ZFYVE28: variants seen among roughly 807,000 people sequenced by gnomAD.
ZFYVE28 encodes the protein lateral signaling target protein 2 homolog.
ZFYVE28 carries 40 observed loss-of-function variants against 82.1 expected under a neutral mutation model. That is an observed-to-expected ratio of 0.49 (90% confidence interval 0.38 to 0.63). The LOEUF (loss-of-function observed/expected upper bound fraction) is 0.63. ZFYVE28 is among the 30% of genes least tolerant of loss of function. ZFYVE28 has a pLI of 0.00. For synonymous variants in ZFYVE28, 612 were observed against 546.1 expected, an observed-to-expected ratio of 1.12 and a Z score of -1.68; for missense variants, 1,321 against 1,242.1, an observed-to-expected ratio of 1.06 and a Z score of -0.96.
chr4:2,327,805 CA>C (rs1720105211), intron 6 of ZFYVE28, among the ~76,000 whole-genome samples: 1 of 152,148 alleles, frequency 6.6e-6, no homozygotes, highest in African/African-American at 2.4e-5. Flanking sequence ...AGAAGACATA[CA>C]AATGACCAAC....
chr4:2,278,320 T>C (rs377240036), intron 8 of ZFYVE28, among the ~76,000 whole-genome samples: 35 of 151,246 alleles, frequency 2.3e-4, no homozygotes, highest in Middle Eastern at 3.4e-3. Context: ...CCTGAGTAGC[T>C]GGGACCACAG....
At position 2,320,405 on chromosome 4, in the gene ZFYVE28, C is replaced by T; in HGVS notation, c.702-134G>A. The T allele has an allele frequency of 1.5e-6, 1 of 663,282 alleles. No individual in the cohort carries two copies. The highest frequency in any genetic ancestry group is 2.6e-6 in the Non-Finnish European group (1 of 384,648). The allele number at this position is 663,282 out of a possible 1,614,324, so 41.1% of individuals were successfully genotyped here. Reference sequence around the variant, plus strand: ...CGCCACTGTCCCAGCACGGCCGCCGCCTCATGCTTTGCCTTGTGTGATTGC... The same window carrying T: ...CGCCACTGTCCCAGCACGGCCGCCGTCTCATGCTTTGCCTTGTGTGATTGC... On this transcript the variant is annotated intron_variant, in intron 6 of 12. Coordinates refer to ENST00000290974, the MANE Select transcript of ZFYVE28 (RefSeq NM_020972.3). The surrounding 1 kb of genome is among the most constrained non-coding windows in gnomAD (Gnocchi z 5.1).
At chr4:2,363,122 G>A (rs1277308039) in intron 1 of ZFYVE28, among the ~76,000 whole-genome samples, 1 of 152,032 alleles carries the variant, frequency 6.6e-6, no homozygotes, top group East Asian at 1.9e-4. Context: ...GGCTTGGTGG[G>A]TGGGGGCTGG....
Position 2,304,789 on chromosome 4 carries a change from G to A in ZFYVE28, c.1551C>T (p.Val517=). 2 of 1,612,656 alleles carry A rather than the reference G, an allele frequency of 1.2e-6. No homozygotes were observed. The highest frequency in any genetic ancestry group is 1.7e-6 in the Non-Finnish European group (2 of 1,179,948). The change falls in exon 8 of 13, where the codon GTC becomes GTT. Residue 517 remains valine, a synonymous_variant. Transcript: ENST00000290974. The part of the protein sequence containing the change: ...RTGGMKLSAT[V]IFNPKSPTSL... ...AAGTGGGCGATTTGGGGTTGAAGATGACCGTGGCTGAGAGCTTCATGCCCC... is the reference window on the plus strand; with the variant it reads ...AAGTGGGCGATTTGGGGTTGAAGATAACCGTGGCTGAGAGCTTCATGCCCC...
At chr4:2,406,047 CAAAAAAAAAA>C (rs766149952) in intron 1 of ZFYVE28, among the ~76,000 whole-genome samples, 1 of 90,478 alleles carries the variant, frequency 1.1e-5, no homozygotes, top group Non-Finnish European at 2.1e-5. Context: ...GATTCTGTCT[CAAAAAAAAAA>C]AAAAAAAAGA....
At chr4:2,399,008 GGGCGAGATCTAGGGCACAAGGT>G (rs1730822433) in intron 1 of ZFYVE28, among the ~76,000 whole-genome samples, 1 of 146,932 alleles carries the variant, frequency 6.8e-6, no homozygotes. Flanking sequence ...GCACAAGGAG[GGGCGAGATCTAGGGCACAAGGT>G]GGGGTGAGAT....
chr4:2,373,441 T>A (rs573533924), intron 1 of ZFYVE28, among the ~76,000 whole-genome samples: 246 of 152,262 alleles, frequency 1.6e-3, no homozygotes, highest in Non-Finnish European at 2.5e-3. Context: ...TAAGGCAACA[T>A]TGAGCCATGA....
intron 3 of ZFYVE28, among the ~76,000 whole-genome samples, chr4:2,340,595 AAGG>A (rs899311678): frequency 2.0e-5 from 3 of 152,106 alleles, no homozygotes; most frequent in Admixed American, 6.5e-5. Context: ...AGGACCACAC[AAGG>A]AGCTGTGCCC....
chr4:2,313,848 CAAAAAAA>C (rs397958081), intron 7 of ZFYVE28, among the ~76,000 whole-genome samples: 1 of 80,788 alleles, frequency 1.2e-5, no homozygotes, highest in Non-Finnish European at 2.6e-5. Context: ...GACTCTGTCT[CAAAAAAA>C]AAAAAAAAAA....
intron 1 of ZFYVE28, among the ~76,000 whole-genome samples, chr4:2,384,080 A>G (rs1007700112): frequency 3.9e-5 from 6 of 152,154 alleles, no homozygotes; most frequent in Non-Finnish European, 1.5e-5. Context: ...ACACAGGCAG[A>G]GTGATTTTTG....
intron 8 of ZFYVE28, among the ~76,000 whole-genome samples, chr4:2,289,300 A>G (rs1023861100): frequency 6.6e-6 from 1 of 152,248 alleles, no homozygotes; most frequent in African/African-American, 2.4e-5. Flanking sequence ...TTAAATTAAT[A>G]AAATAAAACA....
chr4:2,326,400 T>A (rs1340286326), intron 6 of ZFYVE28, among the ~76,000 whole-genome samples: 2 of 152,230 alleles, frequency 1.3e-5, no homozygotes, highest in Non-Finnish European at 2.9e-5. Context: ...TGTGTCCTGT[T>A]GTTTTGTTTT....
At chr4:2,291,421 C>T (rs1713679178) in intron 8 of ZFYVE28, among the ~76,000 whole-genome samples, 1 of 152,184 alleles carries the variant, frequency 6.6e-6, no homozygotes, top group Non-Finnish European at 1.5e-5. Flanking sequence ...GGGGAGGCCC[C>T]ATCCCCTTCT....
intron 8 of ZFYVE28, 66 bp downstream of exon 8, chr4:2,304,223 T>G: frequency 6.7e-7 from 1 of 1,494,842 alleles, no homozygotes; most frequent in Non-Finnish European, 8.9e-7. Context: ...GCTTGGAGAA[T>G]GCGCCAGCAC....
chr4:2,278,533 A>G (rs1469723096), intron 8 of ZFYVE28, among the ~76,000 whole-genome samples: 1 of 152,166 alleles, frequency 6.6e-6, no homozygotes, highest in Non-Finnish European at 1.5e-5. Context: ...TTGTGGCGTT[A>G]GGCTAGGCCA....
rs979484584 is a variant in ZFYVE28, at chr4:2,300,884, C to T, written c.2051+3405G>A. Among the ~76,000 whole-genome samples the T allele has an allele frequency of 2.0e-5, 3 of 152,212 alleles. No individual in the cohort carries two copies. Among genetic ancestry groups the T allele is most frequent in the South Asian group, 2.1e-4 (1 of 4,828 alleles). On this transcript the variant is annotated intron_variant, in intron 8 of 12. Coordinates refer to ENST00000290974, the MANE Select transcript of ZFYVE28 (RefSeq NM_020972.3). The surrounding 1 kb of genome is among the most constrained non-coding windows in gnomAD (Gnocchi z 4.6). Reference sequence around the variant, plus strand: ...TCTGCCGGGCGAGCGGGTCTCACGGCCAAACAGGCCCGGGCTCTTCCAGAT... The same window carrying T: ...TCTGCCGGGCGAGCGGGTCTCACGGTCAAACAGGCCCGGGCTCTTCCAGAT...
rs147092462 is a variant in ZFYVE28 at position 2,293,295 on chromosome 4, A to T, written c.2051+10994T>A. On this transcript the variant is annotated intron_variant, in intron 8 of 12. Transcript: ENST00000290974. The stretch of plus-strand genomic sequence containing the variant: ...TTATACTGGAGGTTCTGGCTGGTTA[A>T]AAAACACAAGAAAAAGGAATACATA... Among the ~76,000 whole-genome samples the T allele has an allele frequency of 6.3e-3, 958 of 152,312 alleles. 14 individuals are homozygous for T. The highest frequency in any genetic ancestry group is 0.022 in the African/African-American group (899 of 41,562).
At chr4:2,414,430 C>T (rs1732828007) in intron 1 of ZFYVE28, among the ~76,000 whole-genome samples, 1 of 152,218 alleles carries the variant, frequency 6.6e-6, no homozygotes, top group Non-Finnish European at 1.5e-5. Context: ...CAGGAAGTTG[C>T]CAAATACACA....
intron 2 of ZFYVE28, among the ~76,000 whole-genome samples, chr4:2,350,510 G>A (rs1206741969): frequency 2.6e-5 from 4 of 152,046 alleles, no homozygotes; most frequent in East Asian, 1.9e-4. Flanking sequence ...TAAAATATAC[G>A]TTTGGTCATC....
Sources: gnomAD v4.1 joint callset for allele counts (sites outside exome capture counted in the v4.1 genomes callset) on GRCh38, gnomAD v4.1.1 for gene constraint, Gnocchi (gnomAD v3.1) non-coding constraint, MANE v1.5 for transcripts, NCBI Gene and HGNC (gene_info 2026-07-23, HGNC 2026-07-21) for gene names.